Variants in MRPS5 observed in about 807,000 individuals in gnomAD.
MRPS5 encodes the protein mitochondrial ribosomal protein S5, also known as small ribosomal subunit protein uS5m.
MRPS5 carries 27 observed loss-of-function variants against 51.9 expected under a neutral mutation model. The ratio of observed to expected loss-of-function variants is 0.52; its 90% confidence interval spans 0.38 to 0.72. The LOEUF is 0.72. Among genes scored for constraint, MRPS5 ranks in the 30% least tolerant of loss-of-function variants. The pLI is 0.00. For missense variants in MRPS5, 570 were observed against 545.7 expected, an observed-to-expected ratio of 1.04 and a Z score of -0.44; for synonymous variants, 196 against 193.2, an observed-to-expected ratio of 1.01 and a Z score of -0.12.
chr2:95,103,789 GA>G (rs1675868999), intron 7 of MRPS5: 1 of 152,070 alleles, frequency 6.6e-6, no homozygotes, highest in Admixed American at 6.6e-5. Context: ...TAATATCTCT[GA>G]ATATAATACT....
intron 1 of MRPS5, among the ~76,000 whole-genome samples, chr2:95,118,792 C>T (rs989701874): frequency 2.0e-5 from 3 of 152,108 alleles, no homozygotes; most frequent in African/African-American, 7.2e-5. Flanking sequence ...AACTGGATAT[C>T]AACATGTAAA....
intron 1 of MRPS5, among the ~76,000 whole-genome samples, chr2:95,119,525 T>C (rs999345974): frequency 4.0e-5 from 6 of 150,436 alleles, no homozygotes; most frequent in African/African-American, 1.5e-4. Flanking sequence ...AGTGGGAGGG[T>C]CACCCGAGCC....
At chr2:95,118,637 G>A (rs553951798) in intron 1 of MRPS5, among the ~76,000 whole-genome samples, 2 of 152,304 alleles carry the variant, frequency 1.3e-5, no homozygotes, top group East Asian at 1.9e-4. Flanking sequence ...GCAGCACCAC[G>A]CTGACTGTAC....
chr2:95,121,755 C>G lies in MRPS5; in HGVS notation c.37G>C (p.Val13Leu), dbSNP rs1464007715. 10 of 1,553,124 alleles carry G rather than the reference C, an allele frequency of 6.4e-6. No homozygotes were observed. In the African/African-American group the frequency reaches 1.4e-4, roughly 22 times the overall value. Residue 13 changes from valine (V) to leucine (L), a missense_variant, in exon 1 of 12, where the codon GTG (valine) becomes CTG (leucine). Val to Leu is a conservative substitution (Grantham distance 32). Coordinates refer to ENST00000272418, the MANE Select transcript of MRPS5 (RefSeq NM_031902.5). ...TAVRAVGCLP[V>L]LCSGTAGHLL... is the part of the protein sequence containing the mutation. ...TCACCTGCCGTCCCGCTACACAGCA[C>G]GGGGAGGCAGCCCACAGCGCGCACC...
chr2:95,092,107 A>G (rs1422704617), intron 10 of MRPS5: 2 of 152,272 alleles, frequency 1.3e-5, no homozygotes, highest in African/African-American at 4.8e-5. Flanking sequence ...CAGACACTGC[A>G]TGAACACTGG....
At chr2:95,100,123 G>C (rs1477912029) in intron 10 of MRPS5, among the ~76,000 whole-genome samples, 2 of 152,096 alleles carry the variant, frequency 1.3e-5, no homozygotes, top group Non-Finnish European at 2.9e-5. Flanking sequence ...CTAAACACCT[G>C]GACCTGAGTC....
chr2:95,111,519 T>TTA (rs1030592769), intron 3 of MRPS5, among the ~76,000 whole-genome samples: 199 of 151,946 alleles, frequency 1.3e-3, no homozygotes, highest in African/African-American at 4.7e-3. Context: ...TTTAGCTCTT[T>TTA]TATATATATA....
In MRPS5 at chr2:95,104,710, C is replaced by T. The variant is rs1369701847; in HGVS notation, c.693G>A (p.Met231Ile). Residue 231 changes from methionine (M) to isoleucine (I), a missense_variant, in exon 7 of 12, where the codon ATG becomes ATA. Physicochemically the swap from Met to Ile is conservative, Grantham distance 10. Coordinates refer to ENST00000272418, the MANE Select transcript of MRPS5 (RefSeq NM_031902.5). ...RILEVRNVFT[M>I]TAKEGRKKSI... ...ATTTCTTTCTTCCCTCTTTCGCAGTCATAGTGAAAACGTTTCTTACCTAAA... is the reference window on the plus strand; with the variant it reads ...ATTTCTTTCTTCCCTCTTTCGCAGTTATAGTGAAAACGTTTCTTACCTAAA... 6.2e-7 allele frequency: 1 copy of T among 1,614,004 alleles called. No individual in the cohort carries two copies. The highest frequency in any genetic ancestry group is 8.5e-7 in the Non-Finnish European group (1 of 1,179,944).
At chr2:95,109,404 TG>T (rs930379354) in intron 4 of MRPS5, among the ~76,000 whole-genome samples, 8 of 152,224 alleles carry the variant, frequency 5.3e-5, no homozygotes, top group Non-Finnish European at 1.0e-4. Flanking sequence ...TCACGTGTTC[TG>T]GGTGTCAACA....
At chr2:95,101,889 C>T (rs1247792571) in intron 7 of MRPS5, 166 bp from the exon 8 acceptor site, 1 of 584,468 alleles carries the variant, frequency 1.7e-6, no homozygotes. Flanking sequence ...TGTAATGATT[C>T]ACATCCGTAA....
chr2:95,104,605 C>A (rs770023582), intron 7 of MRPS5, 35 bp downstream of exon 7: 1 of 1,608,914 alleles, frequency 6.2e-7, no homozygotes, highest in Non-Finnish European at 8.5e-7. Context: ...TCCCTGCACA[C>A]CACCGCCACT....
At chr2:95,116,772 G>A (rs1205725029) in intron 2 of MRPS5, among the ~76,000 whole-genome samples, 11 of 152,232 alleles carry the variant, frequency 7.2e-5, no homozygotes, top group Admixed American at 7.2e-4. Flanking sequence ...CAAGGCGGGT[G>A]GCTCACTTGA....
At chr2:95,110,772 G>T (rs542515027) in intron 3 of MRPS5, among the ~76,000 whole-genome samples, 1 of 152,218 alleles carries the variant, frequency 6.6e-6, no homozygotes, top group Admixed American at 6.5e-5. Flanking sequence ...TCCAGCCTTG[G>T]GGACAGAGTG....
chr2:95,092,531 C>A (rs1207539092), intron 10 of MRPS5: 1 of 152,062 alleles, frequency 6.6e-6, no homozygotes, highest in Non-Finnish European at 1.5e-5. Context: ...CACGTATGTA[C>A]AAAATGTCTA....
At chr2:95,117,598 T>C (rs1316229070) in intron 2 of MRPS5, among the ~76,000 whole-genome samples, 1 of 150,310 alleles carries the variant, frequency 6.7e-6, no homozygotes, top group Non-Finnish European at 1.5e-5. Flanking sequence ...ACACAGAAAC[T>C]ACCCCGTAAT....
At chr2:95,090,647 A>C (rs1675438613) in intron 10 of MRPS5, 125 bp from the exon 11 acceptor site, 1 of 1,025,574 alleles carries the variant, frequency 9.8e-7, no homozygotes, top group South Asian at 1.5e-5. Flanking sequence ...TGGTATCACC[A>C]CTTCCTAGTG....
At chr2:95,119,833 C>A (rs1373409257) in intron 1 of MRPS5, among the ~76,000 whole-genome samples, 1 of 152,112 alleles carries the variant, frequency 6.6e-6, no homozygotes, top group Non-Finnish European at 1.5e-5. Flanking sequence ...GAGGCCAAGG[C>A]GGGAGGATTG....
At chr2:95,120,127 T>C (rs1676398868) in intron 1 of MRPS5, among the ~76,000 whole-genome samples, 1 of 151,966 alleles carries the variant, frequency 6.6e-6, no homozygotes, top group African/African-American at 2.4e-5. Context: ...CCAACAGAAA[T>C]AAAAATATAC....
intron 6 of MRPS5, among the ~76,000 whole-genome samples, chr2:95,106,208 G>A (rs558448149): frequency 1.4e-4 from 21 of 152,146 alleles, no homozygotes; most frequent in Admixed American, 7.9e-4. Flanking sequence ...GACCTCAGTG[G>A]TAGCTCCCCG....
Sources: allele counts gnomAD v4.1 joint callset (sites outside exome capture counted in the v4.1 genomes callset), GRCh38; gene constraint gnomAD v4.1.1; transcripts MANE v1.5; gene names NCBI Gene and HGNC (gene_info 2026-07-23, HGNC 2026-07-21).